ZNF804B: variants seen among roughly 807,000 people sequenced by gnomAD.
ZNF804B encodes the protein zinc finger protein 804B, also known as zinc finger 804B.
Under a neutral mutation model 101.4 loss-of-function variants are expected in ZNF804B, and 80 were observed. That is an observed-to-expected ratio of 0.79 (90% CI 0.66 to 0.95). The LOEUF (loss-of-function observed/expected upper bound fraction) is 0.95. Among genes scored for constraint, ZNF804B ranks in the 40% least tolerant of loss-of-function variants. The pLI is 0.00. For synonymous variants in ZNF804B, 622 were observed against 558.8 expected (o/e 1.11, Z -1.59); for missense variants, 1,673 against 1,561.9 (o/e 1.07, Z -1.20).
At chr7:88,860,303 G>A (rs895641051) in intron 1 of ZNF804B, among the ~76,000 whole-genome samples, 1 of 152,030 alleles carries the variant, frequency 6.6e-6, no homozygotes, top group Non-Finnish European at 1.5e-5. Flanking sequence ...TCATTTAGCA[G>A]ATTTAATATT....
intron 1 of ZNF804B, among the ~76,000 whole-genome samples, chr7:88,790,961 A>G (rs1790371566): frequency 6.6e-6 from 1 of 152,128 alleles, no homozygotes; most frequent in African/African-American, 2.4e-5. Context: ...AGTGACCTAT[A>G]TAAGTATCTC....
chr7:88,968,680 G>T (rs1278325550), intron 1 of ZNF804B, among the ~76,000 whole-genome samples: 1 of 151,660 alleles, frequency 6.6e-6, no homozygotes, highest in South Asian at 2.1e-4. Flanking sequence ...CTTTCAAATT[G>T]TAAGGAGACT....
intron 1 of ZNF804B, 65 bp downstream of exon 1, chr7:88,760,149 TGA>T: frequency 7.6e-7 from 1 of 1,321,734 alleles, no homozygotes; most frequent in South Asian, 1.2e-5. Flanking sequence ...AAAAAGATAT[TGA>T]GAGATAGTAT....
rs147449543 is a variant in ZNF804B at position 89,097,787 on chromosome 7, A to G, written c.109-120368A>G. ...TGTGAGAGGGTTTCTTGAGTTGGAA[A>G]GCCCACAAAGATGCAAACTCTGATT... On this transcript the variant is annotated intron_variant, in intron 1 of 3. Coordinates refer to ENST00000333190, the MANE Select transcript of ZNF804B (RefSeq NM_181646.5). 1.5e-3 allele frequency among the ~76,000 whole-genome samples: 236 copies of G among 152,326 alleles called. 1 individual carries two copies. Among genetic ancestry groups the G allele is most frequent in the African/African-American group, 5.3e-3 (222 of 41,584 alleles).
intron 1 of ZNF804B, 86 bp downstream of exon 1, chr7:88,760,170 A>G (rs1336731908): frequency 1.8e-6 from 2 of 1,109,570 alleles, no homozygotes; most frequent in African/African-American, 1.5e-5. Flanking sequence ...ATCCTGATAC[A>G]ATGAGTAGGT....
At chr7:89,092,329 C>A (rs953815526) in intron 1 of ZNF804B, among the ~76,000 whole-genome samples, 1 of 151,304 alleles carries the variant, frequency 6.6e-6, no homozygotes, top group African/African-American at 2.4e-5. Flanking sequence ...TTTGGGGGAA[C>A]ACACATTCAG....
chr7:89,103,939 G>A (rs750425803), intron 1 of ZNF804B, among the ~76,000 whole-genome samples: 63 of 151,830 alleles, frequency 4.1e-4, no homozygotes, highest in African/African-American at 1.4e-3. Context: ...TAATCATGAA[G>A]GCATGTTTAA....
chr7:89,171,332 T>C (rs1372020134), intron 1 of ZNF804B, among the ~76,000 whole-genome samples: 166 of 120,452 alleles, frequency 1.4e-3, no homozygotes, highest in African/African-American at 3.1e-3. Context: ...CTTCTTCTTC[T>C]TCTTCTTCTT....
At chr7:89,313,310 A>C (rs1438492748) in intron 2 of ZNF804B, among the ~76,000 whole-genome samples, 1 of 152,168 alleles carries the variant, frequency 6.6e-6, no homozygotes, top group African/African-American at 2.4e-5. Context: ...CTAAAGAAAA[A>C]CATTAACACA....
At chr7:89,022,304 G>C (rs1301239332) in intron 1 of ZNF804B, among the ~76,000 whole-genome samples, 1 of 152,108 alleles carries the variant, frequency 6.6e-6, no homozygotes, top group Non-Finnish European at 1.5e-5. Flanking sequence ...TGTGCCTCTA[G>C]TCAGCCATCT....
At chr7:89,299,704 C>T (rs1178625315) in intron 2 of ZNF804B, among the ~76,000 whole-genome samples, 1 of 151,888 alleles carries the variant, frequency 6.6e-6, no homozygotes, top group Non-Finnish European at 1.5e-5. Context: ...TCTAAAATTC[C>T]CAGTTTTGAA....
intron 1 of ZNF804B, among the ~76,000 whole-genome samples, chr7:88,877,045 ATATATTTTTTTTT>A (rs1282784845): frequency 2.7e-4 from 10 of 36,502 alleles, no homozygotes; most frequent in Admixed American, 1.1e-3. Context: ...ATATATATAT[ATATATTTTTTTTT>A]TTTTTTTTTT....
intron 1 of ZNF804B, among the ~76,000 whole-genome samples, chr7:89,162,194 T>G (rs1046991679): frequency 6.6e-6 from 1 of 152,156 alleles, no homozygotes; most frequent in Non-Finnish European, 1.5e-5. Context: ...TTTTAACAAG[T>G]ATAGATACAC....
rs146144173 is a variant in ZNF804B, at chr7:88,811,930, G to C, written c.108+51846G>C. 3.6e-3 allele frequency among the ~76,000 whole-genome samples: 544 copies of C among 152,202 alleles called. 6 individuals carry two copies. Among genetic ancestry groups the C allele is most frequent in the East Asian group, 0.019 (98 of 5,174 alleles). On this transcript the variant is annotated intron_variant, in intron 1 of 3. Coordinates refer to ENST00000333190, the MANE Select transcript of ZNF804B (RefSeq NM_181646.5). ...ACCACCATGGTACACATTTATCTCT[G>C]TAACAAACCTGCACACCCTGCACAT...
At chr7:88,775,919 T>C (rs1196218694) in intron 1 of ZNF804B, among the ~76,000 whole-genome samples, 1 of 152,272 alleles carries the variant, frequency 6.6e-6, no homozygotes, top group Admixed American at 6.5e-5. Context: ...TTTCTGCATG[T>C]TGTCCCTCCA....
At chr7:89,302,154 C>A (rs1174130355) in intron 2 of ZNF804B, among the ~76,000 whole-genome samples, 1 of 151,780 alleles carries the variant, frequency 6.6e-6, no homozygotes, top group Non-Finnish European at 1.5e-5. Flanking sequence ...TCATTCTTTC[C>A]ACATTCTGCT....
chr7:89,177,773 G>A (rs1035823377), intron 1 of ZNF804B, among the ~76,000 whole-genome samples: 2 of 151,696 alleles, frequency 1.3e-5, no homozygotes, highest in African/African-American at 4.8e-5. Flanking sequence ...CTTTATATTG[G>A]CCAGGTGCGT....
At chr7:89,245,319 G>A (rs944065155) in intron 2 of ZNF804B, among the ~76,000 whole-genome samples, 1 of 152,040 alleles carries the variant, frequency 6.6e-6, no homozygotes, top group Admixed American at 6.6e-5. Context: ...ATAAGCTGTG[G>A]CCTAAAAAAT....
At chr7:88,984,309 A>T (rs1350433989) in intron 1 of ZNF804B, among the ~76,000 whole-genome samples, 1 of 152,050 alleles carries the variant, frequency 6.6e-6, no homozygotes, top group Non-Finnish European at 1.5e-5. Flanking sequence ...TTCTTAATGG[A>T]GGAATTTAAC....
Sources: allele counts gnomAD v4.1 joint callset (sites outside exome capture counted in the v4.1 genomes callset), GRCh38; gene constraint gnomAD v4.1.1; transcripts MANE v1.5; gene names NCBI Gene and HGNC (gene_info 2026-07-23, HGNC 2026-07-21).